The following TRIM71 variants were observed in gnomAD, a reference collection of about 807,000 sequenced individuals.
TRIM71 encodes tripartite motif containing 71.
In TRIM71, 9 loss-of-function variants were observed where a neutral mutation model predicts 61.2. The ratio of observed to expected loss-of-function variants is 0.15; its 90% CI spans 0.09 to 0.26. TRIM71 has a LOEUF of 0.26. Ranked by LOEUF, TRIM71 falls within the 10% of genes least tolerant of loss-of-function variation. The pLI is 1.00. For missense variants in TRIM71, 998 were observed against 1,238.7 expected (o/e 0.81, Z 2.92); for synonymous variants, 645 against 553.2 (o/e 1.17, Z -2.33).
In TRIM71 at chr3:32,892,832, C is replaced by G. The variant is rs1028233902; in HGVS notation, c.*1021C>G. 2 of 152,114 alleles carry G rather than the reference C, an allele frequency of 1.3e-5. No individual in the cohort carries two copies. The highest frequency in any genetic ancestry group is 4.8e-5 in the African/African-American group (2 of 41,392). The allele number at this position is 152,114 out of a possible 1,614,324, so 9.4% of individuals were successfully genotyped here. On this transcript the variant is annotated 3_prime_UTR_variant, in exon 4 of 4. Transcript: ENST00000383763. ...GAGAGGGTTTTCAGGCATGGGCTGA[C>G]GTGGACATGAATGTGGGTGGACATG...
rs867171003 is a variant in TRIM71, at chr3:32,827,268, C to T, written c.852+8336C>T. On this transcript the variant is annotated intron_variant, in intron 1 of 3. Transcript: ENST00000383763. ...TGTCATGAAGGGTAGGGGGATAATT[C>T]TTTTTTTTTTTTTTGGGTGGAGTCT... Among the ~76,000 whole-genome samples the T allele has an allele frequency of 8.0e-4, 104 of 129,674 alleles. 1 individual carries two copies. The highest frequency in any genetic ancestry group is 9.3e-4 in the Non-Finnish European group (56 of 59,932). 85.1% of individuals were successfully genotyped at this position (129,674 alleles called of 152,430 possible). A position where few individuals can be genotyped will look rare whatever the true frequency, so the allele number is the denominator to read the frequency against.
rs936543059 is a variant in TRIM71 at position 32,839,378 on chromosome 3, G to A, written c.852+20446G>A. Reference sequence around the variant, plus strand: ...CTTGAGTAGCTGGGATTACAGGTGCGTGCCACCACGCCAGGCTAATTTTTG... The same window carrying A: ...CTTGAGTAGCTGGGATTACAGGTGCATGCCACCACGCCAGGCTAATTTTTG... On this transcript the variant is annotated intron_variant, in intron 1 of 3. Coordinates refer to ENST00000383763, the MANE Select transcript of TRIM71 (RefSeq NM_001039111.3). Among the ~76,000 whole-genome samples, 3 of 151,542 alleles carry A rather than the reference G, an allele frequency of 2.0e-5. No homozygotes were observed. In the East Asian group the frequency reaches 5.9e-4, roughly 30 times the overall value.
intron 1 of TRIM71, among the ~76,000 whole-genome samples, chr3:32,826,700 C>T (rs533443112): frequency 2.5e-4 from 37 of 149,324 alleles, no homozygotes; most frequent in African/African-American, 9.2e-4. Context: ...CCCACCTTGG[C>T]CTCCCAAAGT....
In TRIM71 at chr3:32,897,743, G is replaced by T. The variant is rs1475416839; in HGVS notation, c.*5932G>T. On this transcript the variant is annotated 3_prime_UTR_variant, in exon 4 of 4. Transcript: ENST00000383763. ...CTACTACAGCCTTAAAACAAAGTTG[G>T]TGTCTCTTTGGACTTTAAAATTGTT... The T allele has an allele frequency of 6.6e-6, 1 of 152,168 alleles. No individual in the cohort carries two copies. Among genetic ancestry groups the T allele is most frequent in the African/African-American group, 2.4e-5 (1 of 41,432 alleles). The allele number at this position is 152,168 out of a possible 1,614,324, so 9.4% of individuals were successfully genotyped here. A position where few individuals can be genotyped will look rare whatever the true frequency, so the allele number is the denominator to read the frequency against.
Position 32,891,247 on chromosome 3 carries a change from G to A in TRIM71, c.2043G>A (p.Thr681=), listed in dbSNP as rs761536522. 1.3e-5 allele frequency: 21 copies of A among 1,613,276 alleles called. No individual in the cohort carries two copies. The highest frequency in any genetic ancestry group is 1.6e-4 in the Middle Eastern group (1 of 6,084). Residue 681 remains threonine (T), a synonymous_variant, in exon 4 of 4, where the codon ACG becomes ACA. Coordinates refer to ENST00000383763, the MANE Select transcript of TRIM71 (RefSeq NM_001039111.3). The surrounding 1 kb of genome is among the most constrained non-coding windows in gnomAD (Gnocchi z 8.2). ...DKDNHRIQIF[T]FEGQFLLKFG... is the part of the protein sequence containing the mutation. ...ACAATCATCGCATCCAGATCTTCAC[G>A]TTCGAGGGCCAGTTCCTCCTCAAGT...
chr3:32,830,692 A>G (rs1696260760), intron 1 of TRIM71, among the ~76,000 whole-genome samples: 1 of 152,236 alleles, frequency 6.6e-6, no homozygotes. Context: ...CCAATGAGTT[A>G]TGCAAGTTGG....
At chr3:32,827,421 C>G (rs1413308623) in intron 1 of TRIM71, among the ~76,000 whole-genome samples, 1 of 151,904 alleles carries the variant, frequency 6.6e-6, no homozygotes, top group Middle Eastern at 3.4e-3. Flanking sequence ...CACCACCATG[C>G]CTGACTAATT....
rs1184675529 is a variant in TRIM71 at position 32,893,805 on chromosome 3, C to G, written c.*1994C>G. On this transcript the variant is annotated 3_prime_UTR_variant, in exon 4 of 4. Transcript: ENST00000383763. The stretch of plus-strand genomic sequence containing the variant: ...TAATTTACTACTACTACAAGCTACT[C>G]TGTCTCTTCCCATTGCTTTAATTCT... The G allele has an allele frequency of 1.3e-5, 2 of 152,122 alleles. No individual in the cohort carries two copies. The highest frequency in any genetic ancestry group is 2.9e-5 in the Non-Finnish European group (2 of 68,018). The allele number at this position is 152,122 out of a possible 1,614,324, so 9.4% of individuals were successfully genotyped here.
chr3:32,848,822 C>A (rs6550166), intron 1 of TRIM71, among the ~76,000 whole-genome samples: 103,890 of 151,788 alleles, frequency 0.68, 37,364 homozygotes, highest in East Asian at 0.85. Context: ...GGTCACAGGA[C>A]AACCAGAAAG....
chr3:32,847,927 A>G (rs757529896), intron 1 of TRIM71, among the ~76,000 whole-genome samples: 2 of 152,244 alleles, frequency 1.3e-5, no homozygotes, highest in African/African-American at 2.4e-5. Context: ...AGTTATTGAC[A>G]TAATATTTAC....
intron 1 of TRIM71, among the ~76,000 whole-genome samples, chr3:32,821,216 T>G (rs1414337132): frequency 6.6e-6 from 1 of 152,236 alleles, no homozygotes; most frequent in Non-Finnish European, 1.5e-5. Context: ...GATGATAGAC[T>G]GACCCATATC....
At chr3:32,880,321 AC>A (rs1696895094) in intron 2 of TRIM71, among the ~76,000 whole-genome samples, 1 of 152,152 alleles carries the variant, frequency 6.6e-6, no homozygotes, top group Non-Finnish European at 1.5e-5. Flanking sequence ...GAGCCACTGC[AC>A]CCAGCCTCAT....
chr3:32,823,762 A>G (rs1359017239), intron 1 of TRIM71, among the ~76,000 whole-genome samples: 1 of 149,168 alleles, frequency 6.7e-6, no homozygotes, highest in African/African-American at 2.5e-5. Flanking sequence ...GAGCGAGACT[A>G]TCTAAAAAGA....
chr3:32,882,464 G>A (rs1050282590), intron 2 of TRIM71, among the ~76,000 whole-genome samples: 1 of 152,046 alleles, frequency 6.6e-6, no homozygotes, highest in African/African-American at 2.4e-5. Context: ...TGACACTGGG[G>A]CTGTGACTCT....
rs1575363991 is a variant in TRIM71 at position 32,896,158 on chromosome 3, CTT to C, written c.*4349_*4350del. The C allele has an allele frequency of 2.0e-5, 3 of 152,176 alleles. No homozygotes were observed. The highest frequency in any genetic ancestry group is 7.2e-5 in the African/African-American group (3 of 41,440). 9.4% of individuals were successfully genotyped at this position (152,176 alleles called of 1,614,324 possible). On this transcript the variant is annotated 3_prime_UTR_variant, in exon 4 of 4. Transcript: ENST00000383763. The stretch of plus-strand genomic sequence containing the variant: ...ACTACAAATAAAGACCTTTAGGTCT[CTT>C]TCTCTTCAAGAGAAAAATATTTTAT...
At position 32,818,680 on chromosome 3, in the gene TRIM71, C is replaced by G; in HGVS notation, c.600C>G (p.Ser200Arg). Reference protein sequence around the residue: ...ALLLRRPHGCSSCDEGNAASS... With the variant: ...ALLLRRPHGCRSCDEGNAASS... ...TGCTCCGCCGTCCTCACGGCTGCAGCTCGTGCGATGAGGGCAACGCAGCTT... is the reference window on the plus strand; with the variant it reads ...TGCTCCGCCGTCCTCACGGCTGCAGGTCGTGCGATGAGGGCAACGCAGCTT... The change falls in exon 1 of 4, where the codon AGC becomes AGG. Residue 200 changes from serine (S) to arginine (R), a missense_variant. By Grantham distance (110) the Ser-to-Arg change is moderately radical. Coordinates refer to ENST00000383763, the MANE Select transcript of TRIM71 (RefSeq NM_001039111.3). 1.3e-6 allele frequency: 2 copies of G among 1,558,076 alleles called. No individual in the cohort carries two copies. The highest frequency in any genetic ancestry group is 1.2e-5 in the South Asian group (1 of 86,652).
intron 1 of TRIM71, among the ~76,000 whole-genome samples, chr3:32,828,040 C>CT (rs1197883489): frequency 6.6e-6 from 1 of 152,080 alleles, no homozygotes; most frequent in Non-Finnish European, 1.5e-5. Flanking sequence ...TGGATGACTA[C>CT]TTAAGCACTG....
intron 1 of TRIM71, among the ~76,000 whole-genome samples, chr3:32,821,133 C>G (rs1284050533): frequency 1.3e-5 from 2 of 152,160 alleles, no homozygotes; most frequent in East Asian, 3.8e-4. Context: ...ATCTCGTTAA[C>G]AGTTTGAGAA....
intron 2 of TRIM71, among the ~76,000 whole-genome samples, chr3:32,882,224 T>C (rs1696916133): frequency 6.6e-6 from 1 of 151,890 alleles, no homozygotes; most frequent in Non-Finnish European, 1.5e-5. Flanking sequence ...TGTAAAAAAA[T>C]CAATTTGGCA....
Sources: allele counts gnomAD v4.1 joint callset (sites outside exome capture counted in the v4.1 genomes callset), GRCh38; gene constraint gnomAD v4.1.1; non-coding constraint Gnocchi (gnomAD v3.1); transcripts MANE v1.5; gene names NCBI Gene and HGNC (gene_info 2026-07-23, HGNC 2026-07-21).